NEGR1: variants seen among roughly 807,000 people sequenced by gnomAD.
NEGR1 encodes neuronal growth regulator 1, also known as IgLON family member 4.
In NEGR1, 10 loss-of-function variants were observed where a neutral mutation model predicts 40.9. That is an observed-to-expected ratio of 0.24 (90% CI 0.15 to 0.42). The LOEUF is 0.42. Among genes scored for constraint, NEGR1 ranks in the 10% least tolerant of loss-of-function variants. The pLI is 1.00. For missense variants in NEGR1, 352 were observed against 438.9 expected, an observed-to-expected ratio of 0.80 and a Z score of 1.77; for synonymous variants, 185 against 166.8, an observed-to-expected ratio of 1.11 and a Z score of -0.84.
intron 6 of NEGR1, among the ~76,000 whole-genome samples, chr1:71,457,133 A>T (rs556504996): frequency 2.0e-5 from 3 of 152,070 alleles, no homozygotes; most frequent in African/African-American, 7.2e-5. Flanking sequence ...TTCACAAGGC[A>T]TCTCACTTCT....
chr1:72,044,634 A>T (rs778559596), intron 1 of NEGR1, among the ~76,000 whole-genome samples: 10 of 151,874 alleles, frequency 6.6e-5, no homozygotes, highest in Non-Finnish European at 1.5e-4. Context: ...TCATAAAATC[A>T]TACTTTCATT....
chr1:71,907,382 G>A (rs887261714), intron 2 of NEGR1, among the ~76,000 whole-genome samples: 3 of 152,004 alleles, frequency 2.0e-5, no homozygotes, highest in Non-Finnish European at 2.9e-5. Context: ...GATTATCAGA[G>A]ACATAATTTG....
At chr1:71,492,136 A>T (rs563937565) in intron 6 of NEGR1, among the ~76,000 whole-genome samples, 15 of 152,242 alleles carry the variant, frequency 9.9e-5, no homozygotes, top group Admixed American at 5.9e-4. Context: ...ATGCATTTTT[A>T]TTATTTATAA....
At chr1:71,578,750 G>T (rs1388363591) in intron 6 of NEGR1, among the ~76,000 whole-genome samples, 2 of 151,916 alleles carry the variant, frequency 1.3e-5, no homozygotes, top group Non-Finnish European at 1.5e-5. Flanking sequence ...GTTAGGGAAG[G>T]TTATATTAGA....
chr1:71,989,733 TA>T (rs1646433055), intron 1 of NEGR1, among the ~76,000 whole-genome samples: 1 of 152,164 alleles, frequency 6.6e-6, no homozygotes, highest in South Asian at 2.1e-4. Context: ...TCTAACCTCT[TA>T]AAAAAACTTC....
intron 1 of NEGR1, among the ~76,000 whole-genome samples, chr1:72,258,372 T>C (rs1655344460): frequency 6.6e-6 from 1 of 152,118 alleles, no homozygotes; most frequent in Non-Finnish European, 1.5e-5. Flanking sequence ...TAGAGGTACA[T>C]GATTGTCGTG....
chr1:72,266,451 C>T (rs150367857), intron 1 of NEGR1, among the ~76,000 whole-genome samples: 274 of 150,764 alleles, frequency 1.8e-3, no homozygotes, highest in South Asian at 1.9e-3. Context: ...CACACCAAGC[C>T]TGTTCAAGGC....
intron 6 of NEGR1, among the ~76,000 whole-genome samples, chr1:71,503,832 G>A (rs1022072506): frequency 4.6e-5 from 7 of 151,776 alleles, no homozygotes; most frequent in Admixed American, 2.6e-4. Flanking sequence ...AGAAGAAAAC[G>A]AAATGATTAG....
chr1:72,199,495 G>C (rs564842982), intron 1 of NEGR1, among the ~76,000 whole-genome samples: 2 of 151,878 alleles, frequency 1.3e-5, no homozygotes, highest in African/African-American at 4.8e-5. Context: ...CTTCAAATTC[G>C]CAGGTTTCCT....
intron 6 of NEGR1, among the ~76,000 whole-genome samples, chr1:71,530,276 T>G (rs1647312887): frequency 6.6e-6 from 1 of 151,390 alleles, no homozygotes; most frequent in African/African-American, 2.4e-5. Context: ...AAAGCTTTGT[T>G]TGAAACAACT....
At position 71,604,076 on chromosome 1, in the gene NEGR1, T is replaced by C. The variant is rs541036175; in HGVS notation, c.788+6950A>G. 2.0e-5 allele frequency among the ~76,000 whole-genome samples: 3 copies of C among 152,232 alleles called. No individual in the cohort carries two copies. In the East Asian group the frequency reaches 5.8e-4, roughly 29 times the overall value. ...GAGATACATGGGAATGAAGACCCAC[T>C]GAAAGAGAGCCAGTTTCATATCTCC... On this transcript the variant is annotated intron_variant, in intron 5 of 6. Coordinates refer to ENST00000357731, the MANE Select transcript of NEGR1 (RefSeq NM_173808.3).
chr1:71,400,402 T>G lies in NEGR1; in HGVS notation c.*7044A>C, dbSNP rs957756950. 1.3e-5 allele frequency: 2 copies of G among 152,020 alleles called. No individual in the cohort carries two copies. The highest frequency in any genetic ancestry group is 2.1e-4 in the South Asian group (1 of 4,818). The allele number at this position is 152,020 out of a possible 1,614,324, so 9.4% of individuals were successfully genotyped here. A position where few individuals can be genotyped will look rare whatever the true frequency, so the allele number is the denominator to read the frequency against. ...TTCATTTTTCTTACTGTTTTTGATA[T>G]AAAATTCCTGTTATACCATGAATTA... On this transcript the variant is annotated 3_prime_UTR_variant, in exon 7 of 7. Transcript: ENST00000357731.
At chr1:72,021,139 C>A (rs1331715951) in intron 1 of NEGR1, among the ~76,000 whole-genome samples, 4 of 151,972 alleles carry the variant, frequency 2.6e-5, no homozygotes, top group African/African-American at 9.7e-5. Context: ...ATTTTGAAAA[C>A]CTCATTTGCT....
chr1:72,071,426 T>A (rs1452804705), intron 1 of NEGR1, among the ~76,000 whole-genome samples: 7 of 152,144 alleles, frequency 4.6e-5, no homozygotes, highest in Admixed American at 4.6e-4. Context: ...GTATCCCAAA[T>A]TAGGTCAGTA....
chr1:71,863,327 T>C (rs1373358438), intron 2 of NEGR1, among the ~76,000 whole-genome samples: 2 of 152,130 alleles, frequency 1.3e-5, no homozygotes, highest in African/African-American at 2.4e-5. Context: ...AAGCCATTAT[T>C]ATCAGCAAAC....
intron 4 of NEGR1, among the ~76,000 whole-genome samples, chr1:71,655,588 A>C (rs1651849820): frequency 6.6e-6 from 1 of 152,184 alleles, no homozygotes; most frequent in African/African-American, 2.4e-5. Context: ...CCTAATCACA[A>C]AACCAACATC....
chr1:71,738,310 G>T, intron 3 of NEGR1: 1 of 254,452 alleles, frequency 3.9e-6, no homozygotes, highest in South Asian at 6.6e-5. Flanking sequence ...GCAGCTGAAA[G>T]AGCAGGTTAG....
chr1:72,229,894 T>G (rs1052206317), intron 1 of NEGR1, among the ~76,000 whole-genome samples: 4 of 152,046 alleles, frequency 2.6e-5, no homozygotes, highest in African/African-American at 9.7e-5. Context: ...AATGTATAAT[T>G]TTTCCACTCA....
At chr1:71,948,102 AT>A (rs1646037637) in intron 1 of NEGR1, among the ~76,000 whole-genome samples, 1 of 152,146 alleles carries the variant, frequency 6.6e-6, no homozygotes, top group Non-Finnish European at 1.5e-5. Context: ...TGCTTAAAAA[AT>A]CTTTTCACTT....
Sources: gnomAD v4.1 joint callset for allele counts (sites outside exome capture counted in the v4.1 genomes callset) on GRCh38, gnomAD v4.1.1 for gene constraint, MANE v1.5 for transcripts, NCBI Gene and HGNC (gene_info 2026-07-23, HGNC 2026-07-21) for gene names.